The following CCDC138 variants were observed in gnomAD, a reference collection of about 807,000 sequenced individuals.
CCDC138 encodes coiled-coil domain-containing protein 138.
Under a neutral mutation model 82.3 loss-of-function variants are expected in CCDC138, and 66 were observed. The ratio of observed to expected loss-of-function variants is 0.80; its 90% confidence interval spans 0.66 to 0.98. CCDC138 has a LOEUF of 0.98. Among genes scored for constraint, CCDC138 ranks in the 50% least tolerant of loss-of-function variants. The pLI, the probability that CCDC138 is intolerant of heterozygous loss-of-function variation, is 0.00. For synonymous variants in CCDC138, 297 were observed against 265.4 expected, an observed-to-expected ratio of 1.12 and a Z score of -1.16; for missense variants, 816 against 758.9, an observed-to-expected ratio of 1.08 and a Z score of -0.88.
intron 10 of CCDC138, among the ~76,000 whole-genome samples, chr2:108,827,672 C>T (rs1686856825): frequency 6.6e-6 from 1 of 151,906 alleles, no homozygotes; most frequent in Admixed American, 6.6e-5. Context: ...AAAAATTAGC[C>T]AGGCGTGGTG....
chr2:108,865,550 C>G (rs1694287345), intron 13 of CCDC138, among the ~76,000 whole-genome samples: 1 of 152,180 alleles, frequency 6.6e-6, no homozygotes, highest in Non-Finnish European at 1.5e-5. Flanking sequence ...CTGGAGAAGA[C>G]CCTCACCAAT....
At chr2:108,822,896 G>A (rs1685948079) in intron 10 of CCDC138, among the ~76,000 whole-genome samples, 1 of 152,064 alleles carries the variant, frequency 6.6e-6, no homozygotes, top group African/African-American at 2.4e-5. Flanking sequence ...CAACAAAATT[G>A]ACAAACCGCT....
chr2:108,859,854 T>C (rs1693268541), intron 13 of CCDC138, among the ~76,000 whole-genome samples: 1 of 152,164 alleles, frequency 6.6e-6, no homozygotes, highest in Non-Finnish European at 1.5e-5. Flanking sequence ...TGTTGGTAAT[T>C]TGATAGGAAT....
At chr2:108,880,537 A>G (rs936625416), downstream of CCDC138, among the ~76,000 whole-genome samples, 2 of 152,190 alleles carry the variant, frequency 1.3e-5, no homozygotes, top group Non-Finnish European at 2.9e-5. Context: ...TTCAAAGGAC[A>G]GGCTGACTCT....
At chr2:108,807,827 A>C (rs998295244) in intron 7 of CCDC138, among the ~76,000 whole-genome samples, 4 of 152,166 alleles carry the variant, frequency 2.6e-5, no homozygotes, top group Non-Finnish European at 5.9e-5. Context: ...CATGTTGGCC[A>C]GGGTGGTCTC....
At chr2:108,856,678 A>T in intron 12 of CCDC138, 116 bp from the exon 13 acceptor site, 2 of 922,532 alleles carry the variant, frequency 2.2e-6, no homozygotes, top group Non-Finnish European at 3.3e-6. Context: ...TCTCTTATTT[A>T]ATTTTTGTTT....
At position 108,788,959 on chromosome 2, in the gene CCDC138, G is replaced by A. The variant is rs753505620; in HGVS notation, c.259G>A (p.Val87Met). Residue 87 changes from valine to methionine, a missense_variant, in exon 3 of 15, where the codon GTG becomes ATG. Transcript: ENST00000295124. ...PLGSLFKHVN[V>M]NCLDDELDSF... ...GGGCAGCTTATTCAAGCACGTAAATGTGAATTGGTAAAGTACCCTGAAACT... is the reference window on the plus strand; with the variant it reads ...GGGCAGCTTATTCAAGCACGTAAATATGAATTGGTAAAGTACCCTGAAACT... 4 of 1,613,882 alleles carry A rather than the reference G, an allele frequency of 2.5e-6. No homozygotes were observed. In the African/African-American group the frequency reaches 5.3e-5, roughly 22 times the overall value.
chr2:108,814,314 G>A (rs1051504263), intron 9 of CCDC138, among the ~76,000 whole-genome samples: 2 of 152,068 alleles, frequency 1.3e-5, no homozygotes, highest in Non-Finnish European at 2.9e-5. Context: ...CTTCCAGTGG[G>A]TGTGTAGTAG....
chr2:108,820,384 G>C (rs79999091), intron 10 of CCDC138, among the ~76,000 whole-genome samples: 1 of 152,120 alleles, frequency 6.6e-6, no homozygotes, highest in Non-Finnish European at 1.5e-5. Context: ...GGAATGAGAA[G>C]AGAGAAGGAG....
At chr2:108,877,604 T>G (rs1696117104), downstream of CCDC138, among the ~76,000 whole-genome samples, 1 of 144,988 alleles carries the variant, frequency 6.9e-6, no homozygotes. Flanking sequence ...TATATAGAGA[T>G]AGTACTCATG....
chr2:108,805,081 T>A, intron 7 of CCDC138, 73 bp downstream of exon 7: 2 of 848,104 alleles, frequency 2.4e-6, no homozygotes, highest in Non-Finnish European at 3.2e-6. Flanking sequence ...CAAATTAAAG[T>A]CAGCCTTAGA....
chr2:108,802,543 G>A (rs1180453532), intron 6 of CCDC138, among the ~76,000 whole-genome samples: 3 of 146,268 alleles, frequency 2.1e-5, no homozygotes, highest in Non-Finnish European at 3.0e-5. Flanking sequence ...AGACGATAGG[G>A]TTTTCTAGAT....
At chr2:108,853,976 AATATATAATATATAATAAATTTATATTAT>A (rs1182025770) in intron 12 of CCDC138, among the ~76,000 whole-genome samples, 49 of 90,840 alleles carry the variant, frequency 5.4e-4, no homozygotes, top group Admixed American at 3.6e-4. Context: ...AAATATATAT[AATATATAATATATAATAAATTTATATTAT>A]ATATAATATA....
rs527736020 is a variant in CCDC138 at position 108,871,756 on chromosome 2, G to A, written c.1694-1695G>A. 9.9e-5 allele frequency among the ~76,000 whole-genome samples: 15 copies of A among 152,218 alleles called. No individual in the cohort carries two copies. In the East Asian group the frequency reaches 2.5e-3, roughly 25 times the overall value. On this transcript the variant is annotated intron_variant, in intron 13 of 14. Transcript: ENST00000295124. ...GAAAGATGAAATACATACTGCTAATGTATTGCACTTTTCATCTTCCCCGCC... is the reference window on the plus strand; with the variant it reads ...GAAAGATGAAATACATACTGCTAATATATTGCACTTTTCATCTTCCCCGCC...
chr2:108,845,275 G>T (rs1690248416), intron 11 of CCDC138, among the ~76,000 whole-genome samples: 1 of 151,802 alleles, frequency 6.6e-6, no homozygotes, highest in Admixed American at 6.6e-5. Flanking sequence ...AGATTGCACT[G>T]CTTGTGTGTC....
chr2:108,826,555 T>TA (rs1316290885), intron 10 of CCDC138, among the ~76,000 whole-genome samples: 1 of 152,190 alleles, frequency 6.6e-6, no homozygotes, highest in Non-Finnish European at 1.5e-5. Flanking sequence ...TGAAAATAAA[T>TA]ACAGTGTAAA....
Position 108,844,103 on chromosome 2 carries a change from C to T in CCDC138, c.1324-2635C>T, listed in dbSNP as rs529723303. On this transcript the variant is annotated intron_variant, in intron 11 of 14. Coordinates refer to ENST00000295124, the MANE Select transcript of CCDC138 (RefSeq NM_144978.3). ...TCTTGAACTCCCAGGCTCAAGCGAT[C>T]TTCCATCTTGGCCTCCCAAAGTGCC... 8.6e-5 allele frequency among the ~76,000 whole-genome samples: 13 copies of T among 152,000 alleles called. No homozygotes were observed. The South Asian group carries it at 2.7e-3, about 32-fold the overall frequency.
intron 10 of CCDC138, among the ~76,000 whole-genome samples, chr2:108,830,619 C>T (rs1389765430): frequency 6.6e-6 from 1 of 151,142 alleles, no homozygotes; most frequent in African/African-American, 2.4e-5. Flanking sequence ...CCAACCTGGC[C>T]AATGTGGTGA....
At chr2:108,836,664 C>G (rs906640858) in intron 10 of CCDC138, among the ~76,000 whole-genome samples, 6 of 152,118 alleles carry the variant, frequency 3.9e-5, no homozygotes, top group African/African-American at 1.4e-4. Flanking sequence ...GCATGGACAC[C>G]TTGATAATAC....
Sources: gnomAD v4.1 joint callset for allele counts (sites outside exome capture counted in the v4.1 genomes callset) on GRCh38, gnomAD v4.1.1 for gene constraint, MANE v1.5 for transcripts, NCBI Gene and HGNC (gene_info 2026-07-23, HGNC 2026-07-21) for gene names.